NCALD: variants seen among roughly 807,000 people sequenced by gnomAD.
The protein encoded by NCALD is neurocalcin delta.
NCALD carries 10 observed loss-of-function variants against 18.6 expected under a neutral mutation model. That is an observed-to-expected ratio of 0.54 (90% CI 0.33 to 0.91). The LOEUF is 0.91. NCALD is among the 40% of genes least tolerant of loss of function. The pLI is 0.03. For missense variants in NCALD, 184 were observed against 247.6 expected, an observed-to-expected ratio of 0.74 and a Z score of 1.72; for synonymous variants, 88 against 87.4, an observed-to-expected ratio of 1.01 and a Z score of -0.04.
chr8:102,011,264 C>T (rs989509546), intron 2 of NCALD, among the ~76,000 whole-genome samples: 1 of 152,194 alleles, frequency 6.6e-6, no homozygotes, highest in Non-Finnish European at 1.5e-5. Flanking sequence ...AATCTGAGAA[C>T]GTTATGAACT....
At chr8:101,965,199 AGT>A (rs1819977291) in intron 2 of NCALD, among the ~76,000 whole-genome samples, 1 of 152,250 alleles carries the variant, frequency 6.6e-6, no homozygotes, top group Non-Finnish European at 1.5e-5. Flanking sequence ...TGTGGAAGAC[AGT>A]GTGGCGATTC....
chr8:101,914,039 A>G (rs1447425148), intron 3 of NCALD, among the ~76,000 whole-genome samples: 1 of 152,246 alleles, frequency 6.6e-6, no homozygotes, highest in Non-Finnish European at 1.5e-5. Context: ...TGATGAACCA[A>G]TGTTGATACA....
intron 2 of NCALD, among the ~76,000 whole-genome samples, chr8:101,706,522 TTG>T (rs920380151): frequency 9.9e-5 from 15 of 152,190 alleles, no homozygotes; most frequent in African/African-American, 3.4e-4. Flanking sequence ...GATAGTGCCT[TTG>T]TACTAGGTTG....
Position 101,688,834 on chromosome 8 carries a change from C to T in NCALD, c.*475G>A. 1 of 629,720 alleles carries T rather than the reference C, an allele frequency of 1.6e-6. No individual in the cohort carries two copies. Among genetic ancestry groups the T allele is most frequent in the Non-Finnish European group, 2.9e-6 (1 of 346,714 alleles). The allele number at this position is 629,720 out of a possible 1,614,324, so 39.0% of individuals were successfully genotyped here. A position where few individuals can be genotyped will look rare whatever the true frequency, so the allele number is the denominator to read the frequency against. Reference sequence around the variant, plus strand: ...CCAGCTCGCTGGAATAGCCTCACCCCAGAGGGTAACTTGTTCTTGGGGAAT... The same window carrying T: ...CCAGCTCGCTGGAATAGCCTCACCCTAGAGGGTAACTTGTTCTTGGGGAAT... On this transcript the variant is annotated 3_prime_UTR_variant, in exon 4 of 4. Transcript: ENST00000220931.
At chr8:101,720,051 T>C (rs1369065265) in intron 1 of NCALD, among the ~76,000 whole-genome samples, 3 of 152,100 alleles carry the variant, frequency 2.0e-5, no homozygotes, top group African/African-American at 7.2e-5. Flanking sequence ...AATCCAAGTA[T>C]TAGCAGGGAA....
At chr8:102,009,769 AG>A (rs1821841484) in intron 2 of NCALD, among the ~76,000 whole-genome samples, 1 of 152,230 alleles carries the variant, frequency 6.6e-6, no homozygotes, top group African/African-American at 2.4e-5. Context: ...TGAGCTTCTA[AG>A]GGCTCTCTTT....
intron 1 of NCALD, among the ~76,000 whole-genome samples, chr8:102,068,589 C>G (rs1386634112): frequency 6.6e-6 from 1 of 152,212 alleles, no homozygotes; most frequent in Non-Finnish European, 1.5e-5. Context: ...CCTGCCTACC[C>G]CTGCCCACAC....
intron 1 of NCALD, among the ~76,000 whole-genome samples, chr8:101,757,444 TAC>T (rs1194322040): frequency 6.6e-6 from 1 of 152,194 alleles, no homozygotes; most frequent in Non-Finnish European, 1.5e-5. Flanking sequence ...CAGAGACAAC[TAC>T]TCATAGAGGG....
At chr8:102,053,997 A>C (rs572908985) in intron 1 of NCALD, among the ~76,000 whole-genome samples, 2 of 152,228 alleles carry the variant, frequency 1.3e-5, no homozygotes, top group Non-Finnish European at 2.9e-5. Flanking sequence ...ATTCTTACAC[A>C]GTTTGAAATC....
At chr8:101,832,258 GTC>G (rs144721259) in intron 4 of NCALD, among the ~76,000 whole-genome samples, 13 of 150,198 alleles carry the variant, frequency 8.7e-5, no homozygotes, top group Non-Finnish European at 1.0e-4. Context: ...CCCACTCTCT[GTC>G]TCTCTCTCTC....
At chr8:101,889,253 C>T (rs1054416613) in intron 3 of NCALD, among the ~76,000 whole-genome samples, 4 of 152,228 alleles carry the variant, frequency 2.6e-5, no homozygotes, top group Non-Finnish European at 5.9e-5. Flanking sequence ...AGTCACTGCA[C>T]TGGGCCTGGC....
At chr8:102,034,812 C>T (rs1359845638) in intron 1 of NCALD, among the ~76,000 whole-genome samples, 3 of 152,168 alleles carry the variant, frequency 2.0e-5, no homozygotes, top group African/African-American at 7.2e-5. Context: ...CTGTCTTAAA[C>T]GTACGCGTCC....
chr8:101,908,260 C>T lies in NCALD; in HGVS notation c.-107+7549G>A, dbSNP rs144287284. On this transcript the variant is annotated intron_variant, in intron 3 of 6. Transcript: ENST00000311028. Reference sequence around the variant, plus strand: ...ATTCGCAATAATCCATTCCAATCTGCCAACCCGTCCCTTTTGGCATCCGGC... The same window carrying T: ...ATTCGCAATAATCCATTCCAATCTGTCAACCCGTCCCTTTTGGCATCCGGC... Among the ~76,000 whole-genome samples the T allele has an allele frequency of 2.4e-3, 358 of 152,326 alleles. 2 individuals are homozygous for T. Among genetic ancestry groups the T allele is most frequent in the South Asian group, 0.011 (55 of 4,824 alleles).
chr8:101,752,356 C>A (rs1810694405), intron 1 of NCALD, among the ~76,000 whole-genome samples: 1 of 152,134 alleles, frequency 6.6e-6, no homozygotes, highest in South Asian at 2.1e-4. Context: ...TGAGGAACAT[C>A]TAAGTGGAAG....
intron 3 of NCALD, among the ~76,000 whole-genome samples, chr8:101,902,392 T>C (rs879734998): frequency 1.3e-5 from 2 of 152,194 alleles, no homozygotes; most frequent in Middle Eastern, 3.2e-3. Context: ...AACTTCTTTC[T>C]GCTTCCTAAG....
intron 2 of NCALD, among the ~76,000 whole-genome samples, chr8:101,703,967 A>G (rs1025007391): frequency 3.9e-5 from 6 of 152,156 alleles, no homozygotes; most frequent in South Asian, 2.1e-4. Flanking sequence ...TGGCCCTCCC[A>G]CAAGGTCAAG....
chr8:101,690,746 T>C (rs1814688710), intron 3 of NCALD: 1 of 985,370 alleles, frequency 1.0e-6, no homozygotes, highest in African/African-American at 1.7e-5. Context: ...AAGCTCTGTG[T>C]GCTGGCCATT....
At chr8:101,850,160 T>C (rs771964899) in intron 4 of NCALD, among the ~76,000 whole-genome samples, 9 of 152,118 alleles carry the variant, frequency 5.9e-5, no homozygotes, top group Non-Finnish European at 1.5e-5. Flanking sequence ...CAAAGGAGTG[T>C]CACAGGCCCG....
At chr8:101,751,984 G>A (rs1563731384) in intron 1 of NCALD, among the ~76,000 whole-genome samples, 1 of 152,028 alleles carries the variant, frequency 6.6e-6, no homozygotes, top group Non-Finnish European at 1.5e-5. Context: ...CCAAACAATG[G>A]CATGTTTTGG....
Sources: gnomAD v4.1 joint callset for allele counts (sites outside exome capture counted in the v4.1 genomes callset) on GRCh38, gnomAD v4.1.1 for gene constraint, MANE v1.5 for transcripts, NCBI Gene and HGNC (gene_info 2026-07-23, HGNC 2026-07-21) for gene names.